The following TLE1 variants were observed in gnomAD, a reference collection of about 807,000 sequenced individuals.
TLE1 encodes TLE family member 1, transcriptional corepressor.
In TLE1, 21 loss-of-function variants were observed where a neutral mutation model predicts 89.8. That is an observed-to-expected ratio of 0.23 (90% CI 0.17 to 0.34). The LOEUF (loss-of-function observed/expected upper bound fraction) is 0.34. TLE1 is among the 10% of genes least tolerant of loss of function. TLE1 has a pLI of 1.00. For missense variants in TLE1, 795 were observed against 1,031.2 expected (o/e 0.77, Z 3.14); for synonymous variants, 447 against 407.6 (o/e 1.10, Z -1.16).
At chr9:81,655,852 C>CAAAAAA (rs5898754) in intron 4 of TLE1, among the ~76,000 whole-genome samples, 1 of 127,018 alleles carries the variant, frequency 7.9e-6, no homozygotes, top group African/African-American at 3.0e-5. Context: ...GACCCTGTCT[C>CAAAAAA]AAAAAAAAAA....
At chr9:81,634,968 T>A (rs1827186524) in intron 6 of TLE1, among the ~76,000 whole-genome samples, 1 of 152,160 alleles carries the variant, frequency 6.6e-6, no homozygotes, top group Non-Finnish European at 1.5e-5. Flanking sequence ...TGCCCCCTTA[T>A]TCCATCAATC....
At chr9:81,687,486 T>A in intron 1 of TLE1, 52 bp from the exon 2 acceptor site, 1 of 1,406,830 alleles carries the variant, frequency 7.1e-7, no homozygotes, top group Non-Finnish European at 9.9e-7. Flanking sequence ...GGCGGATGAA[T>A]AAAGCAGTAA....
At chr9:81,687,052 C>T (rs1046158651) in intron 2 of TLE1, among the ~76,000 whole-genome samples, 10 of 152,120 alleles carry the variant, frequency 6.6e-5, no homozygotes, top group African/African-American at 9.7e-5. Flanking sequence ...ACATGAAGTG[C>T]AAATATTGAC....
At chr9:81,610,350 T>G in intron 13 of TLE1, 54 bp from the exon 14 acceptor site, 1 of 1,323,118 alleles carries the variant, frequency 7.6e-7, no homozygotes, top group Non-Finnish European at 1.1e-6. Flanking sequence ...AGGCACTTTG[T>G]GAACATCAAT....
chr9:81,675,344 GT>G (rs1832742196), intron 4 of TLE1, among the ~76,000 whole-genome samples: 1 of 152,012 alleles, frequency 6.6e-6, no homozygotes, highest in Non-Finnish European at 1.5e-5. Context: ...ATAATCAGTG[GT>G]TATACTCATT....
chr9:81,666,050 G>T (rs947272392), intron 4 of TLE1, among the ~76,000 whole-genome samples: 1 of 152,122 alleles, frequency 6.6e-6, no homozygotes, highest in Non-Finnish European at 1.5e-5. Context: ...TTTGACAAAA[G>T]CATCACAGCT....
intron 6 of TLE1, among the ~76,000 whole-genome samples, chr9:81,649,184 T>C (rs7024180): frequency 0.33 from 50,281 of 152,046 alleles, 8,752 homozygotes; most frequent in Non-Finnish European, 0.39. Context: ...TTTTCTTAAA[T>C]ACCGGTACTC....
intron 8 of TLE1, among the ~76,000 whole-genome samples, chr9:81,626,751 G>A (rs1471964539): frequency 6.6e-6 from 1 of 152,138 alleles, no homozygotes; most frequent in Non-Finnish European, 1.5e-5. Flanking sequence ...ACACAGGGCC[G>A]GTTAATGTTG....
chr9:81,616,269 C>T (rs2132123791), intron 10 of TLE1, 135 bp from the exon 11 acceptor site: 1 of 1,089,320 alleles, frequency 9.2e-7, no homozygotes, highest in South Asian at 1.6e-5. Flanking sequence ...TGACCAACAC[C>T]ATGTTATAAA....
chr9:81,644,392 G>C (rs1279232237), intron 6 of TLE1, among the ~76,000 whole-genome samples: 1 of 152,108 alleles, frequency 6.6e-6, no homozygotes, highest in Admixed American at 6.5e-5. Context: ...CAATAAAAAG[G>C]ACTAAAATAC....
chr9:81,620,786 C>A, intron 8 of TLE1: 1 of 1,359,710 alleles, frequency 7.4e-7, no homozygotes, highest in Non-Finnish European at 9.6e-7. Flanking sequence ...GTGGATTCTT[C>A]AGGCCTCCTT....
chr9:81,603,309 T>C (rs1563952849), intron 14 of TLE1, among the ~76,000 whole-genome samples: 1 of 152,206 alleles, frequency 6.6e-6, no homozygotes, highest in Non-Finnish European at 1.5e-5. Flanking sequence ...ATTTTGTGAT[T>C]ATTTAACTCA....
intron 6 of TLE1, among the ~76,000 whole-genome samples, chr9:81,641,181 C>T (rs1050029730): frequency 6.6e-6 from 1 of 151,938 alleles, no homozygotes; most frequent in Non-Finnish European, 1.5e-5. Context: ...TTAAAACACT[C>T]AATTCCTATC....
At chr9:81,664,708 AG>A (rs1831240105) in intron 4 of TLE1, among the ~76,000 whole-genome samples, 2 of 140,872 alleles carry the variant, frequency 1.4e-5, no homozygotes, top group South Asian at 4.4e-4. Flanking sequence ...CTTTTAATTA[AG>A]AAAAAAAAAA....
chr9:81,688,351 AGCGCGCTGGCCACGCAC>A lies in TLE1; in HGVS notation c.-128_-112del, dbSNP rs1234155622. The A allele has an allele frequency of 8.0e-7, 1 of 1,251,342 alleles. No homozygotes were observed. The highest frequency in any genetic ancestry group is 1.1e-6 in the Non-Finnish European group (1 of 948,482). 77.5% of individuals were successfully genotyped at this position (1,251,342 alleles called of 1,614,324 possible). A position where few individuals can be genotyped will look rare whatever the true frequency, so the allele number is the denominator to read the frequency against. On this transcript the variant is annotated 5_prime_UTR_variant, in exon 1 of 20. Coordinates refer to ENST00000376499, the MANE Select transcript of TLE1 (RefSeq NM_005077.5). ...GCCGGAAAGCCAAGCAGAAGCGGGGAGCGCGCTGGCCACGCACGCGCGCTCCGCCGGGCGCACCGGCC... is the reference window on the plus strand; with the variant it reads ...GCCGGAAAGCCAAGCAGAAGCGGGGAGCGCGCTCCGCCGGGCGCACCGGCC...
intron 8 of TLE1, chr9:81,620,961 A>G (rs958161653): frequency 6.0e-6 from 3 of 503,684 alleles, no homozygotes; most frequent in Non-Finnish European, 1.2e-5. Flanking sequence ...TAACTGTAAG[A>G]GTCAATGTGT....
At chr9:81,650,517 A>G (rs1376502717) in intron 6 of TLE1, among the ~76,000 whole-genome samples, 1 of 152,232 alleles carries the variant, frequency 6.6e-6, no homozygotes, top group South Asian at 2.1e-4. Context: ...AGTACAATTC[A>G]CTATTAGTCT....
At chr9:81,624,196 C>T (rs1464641205) in intron 8 of TLE1, among the ~76,000 whole-genome samples, 1 of 152,208 alleles carries the variant, frequency 6.6e-6, no homozygotes, top group South Asian at 2.1e-4. Flanking sequence ...TCCTAACCAA[C>T]AGAATGCCTT....
chr9:81,601,220 G>T (rs1184711321), intron 14 of TLE1, among the ~76,000 whole-genome samples: 1 of 152,176 alleles, frequency 6.6e-6, no homozygotes, highest in African/African-American at 2.4e-5. Context: ...AACAGAAAAA[G>T]TGGGGTGAAA....
Sources: gnomAD v4.1 joint callset for allele counts (sites outside exome capture counted in the v4.1 genomes callset) on GRCh38, gnomAD v4.1.1 for gene constraint, MANE v1.5 for transcripts, NCBI Gene and HGNC (gene_info 2026-07-23, HGNC 2026-07-21) for gene names.